The following CACNA2D2 variants were observed in gnomAD, a reference collection of about 807,000 sequenced individuals.
The protein encoded by CACNA2D2 is voltage-dependent calcium channel subunit alpha-2/delta-2.
A neutral mutation model predicts 166.4 loss-of-function variants in CACNA2D2; 48 were observed. That is an observed-to-expected ratio of 0.29 (90% CI 0.23 to 0.37). The LOEUF is 0.37. CACNA2D2 is among the 10% of genes least tolerant of loss of function. CACNA2D2 has a pLI of 1.00. For synonymous variants in CACNA2D2, 561 were observed against 573.7 expected, an observed-to-expected ratio of 0.98 and a Z score of 0.32; for missense variants, 1,122 against 1,433.0, an observed-to-expected ratio of 0.78 and a Z score of 3.50.
Position 50,379,249 on chromosome 3 carries a change from G to C in CACNA2D2, c.1153-50C>G, listed in dbSNP as rs779724063. On this transcript the variant is annotated intron_variant, in intron 11 of 37. Coordinates refer to ENST00000424201, the MANE Select transcript of CACNA2D2 (RefSeq NM_006030.4). This position sits in a 1 kb window ranked among gnomAD's most constrained non-coding sequence, Gnocchi z 6.5. ...GCAGCTCTCAGCCCTCCCTGGTCCA[G>C]GGGCAGGGCCTCCCTCCCGCAGTGG... 1.3e-6 allele frequency: 2 copies of C among 1,533,828 alleles called. No individual in the cohort carries two copies. Among genetic ancestry groups the C allele is most frequent in the East Asian group, 4.5e-5 (2 of 44,422 alleles).
At chr3:50,378,763 T>G in intron 13 of CACNA2D2, 152 bp downstream of exon 13, 1 of 884,678 alleles carries the variant, frequency 1.1e-6, no homozygotes, top group Non-Finnish European at 1.8e-6. Flanking sequence ...AGCCCCCAGA[T>G]AGAGTGAGGG....
intron 2 of CACNA2D2, among the ~76,000 whole-genome samples, chr3:50,437,440 G>A (rs953124587): frequency 2.6e-5 from 4 of 152,190 alleles, no homozygotes; most frequent in African/African-American, 7.2e-5. Context: ...AAGTGCAGGG[G>A]CTGGTCATGC....
At chr3:50,477,812 C>A (rs1697859846) in intron 1 of CACNA2D2, among the ~76,000 whole-genome samples, 1 of 152,160 alleles carries the variant, frequency 6.6e-6, no homozygotes, top group South Asian at 2.1e-4. Flanking sequence ...CTGGTCCCAA[C>A]TCCCTGGGCC....
intron 3 of CACNA2D2, among the ~76,000 whole-genome samples, chr3:50,397,559 A>G (rs566467470): frequency 3.3e-5 from 5 of 152,304 alleles, no homozygotes; most frequent in Admixed American, 6.5e-5. Flanking sequence ...TTCTTGGAGC[A>G]GGGTCTTCAC....
At chr3:50,481,617 G>C (rs374754937) in intron 1 of CACNA2D2, among the ~76,000 whole-genome samples, 18 of 152,186 alleles carry the variant, frequency 1.2e-4, no homozygotes, top group African/African-American at 4.3e-4. Flanking sequence ...AAGCAAACTT[G>C]GCAATGGCGG....
chr3:50,468,379 TAGTG>T lies in CACNA2D2; in HGVS notation c.288+7735_288+7738del, dbSNP rs1206008391. 1.2e-3 allele frequency among the ~76,000 whole-genome samples: 80 copies of T among 68,916 alleles called. 3 individuals are homozygous for T. The highest frequency in any genetic ancestry group is 3.5e-3 in the African/African-American group (73 of 20,590). The allele number at this position is 68,916 out of a possible 152,430, so 45.2% of individuals were successfully genotyped here. On this transcript the variant is annotated intron_variant, in intron 2 of 37. Transcript: ENST00000424201. ...AAGAGAACCAGCAAGTTCATCAGAA[TAGTG>T]TGTGTGTGTGTGTGTGTGTGTGTGT...
At chr3:50,408,904 C>A (rs764286460) in intron 3 of CACNA2D2, among the ~76,000 whole-genome samples, 1 of 152,224 alleles carries the variant, frequency 6.6e-6, no homozygotes, top group African/African-American at 2.4e-5. Context: ...TTTGGGGCAT[C>A]GTTGCCGCCT....
chr3:50,436,410 G>A (rs1477206477), intron 2 of CACNA2D2, among the ~76,000 whole-genome samples: 2 of 152,170 alleles, frequency 1.3e-5, no homozygotes, highest in Non-Finnish European at 2.9e-5. Flanking sequence ...GGAAAGTCCA[G>A]GAGTCCCTCC....
chr3:50,455,500 C>G (rs1255787260), intron 2 of CACNA2D2, among the ~76,000 whole-genome samples: 2 of 152,282 alleles, frequency 1.3e-5, no homozygotes, highest in African/African-American at 4.8e-5. Context: ...TTTTAAATAG[C>G]GACACTTTGG....
At chr3:50,372,724 G>T (rs1426893110) in intron 22 of CACNA2D2, among the ~76,000 whole-genome samples, 1 of 152,196 alleles carries the variant, frequency 6.6e-6, no homozygotes, top group Non-Finnish European at 1.5e-5. Flanking sequence ...TGGTGGAGAA[G>T]CGTCCAGACT....
chr3:50,382,840 C>T (rs1240556235), intron 6 of CACNA2D2, among the ~76,000 whole-genome samples: 1 of 152,112 alleles, frequency 6.6e-6, no homozygotes, highest in African/African-American at 2.4e-5. Context: ...AAGAGGAGAC[C>T]CCTGCTCTGC....
At chr3:50,371,680 G>A (rs1704661755) in intron 22 of CACNA2D2, among the ~76,000 whole-genome samples, 1 of 152,298 alleles carries the variant, frequency 6.6e-6, no homozygotes, top group East Asian at 1.9e-4. Flanking sequence ...GGAGGGGCTG[G>A]GCAGTCACTG....
chr3:50,397,437 C>G (rs187466518), intron 3 of CACNA2D2, among the ~76,000 whole-genome samples: 1 of 152,196 alleles, frequency 6.6e-6, no homozygotes, highest in African/African-American at 2.4e-5. Context: ...TCCCATCAGG[C>G]CTGAGGATGA....
At chr3:50,469,449 A>G (rs1709972399) in intron 2 of CACNA2D2, among the ~76,000 whole-genome samples, 2 of 152,234 alleles carry the variant, frequency 1.3e-5, no homozygotes, top group South Asian at 4.1e-4. Context: ...CCTGGACTGA[A>G]TCAAGCAGAA....
At chr3:50,503,798 G>C (rs1270960850), upstream of CACNA2D2, among the ~76,000 whole-genome samples, 1 of 150,110 alleles carries the variant, frequency 6.7e-6, no homozygotes, top group Admixed American at 6.6e-5. Context: ...TCGTCCCCGC[G>C]CAGCCCGAAT....
At chr3:50,442,938 C>A (rs1318412202) in intron 2 of CACNA2D2, among the ~76,000 whole-genome samples, 1 of 152,194 alleles carries the variant, frequency 6.6e-6, no homozygotes, top group Admixed American at 6.5e-5. Context: ...CACATGGACA[C>A]CAGCCATGGA....
intron 2 of CACNA2D2, among the ~76,000 whole-genome samples, chr3:50,440,429 G>A (rs1342484339): frequency 1.3e-5 from 2 of 152,272 alleles, no homozygotes; most frequent in South Asian, 2.1e-4. Flanking sequence ...CATCCCAGGC[G>A]GGGTGGCCCC....
intron 2 of CACNA2D2, among the ~76,000 whole-genome samples, chr3:50,461,936 A>G (rs941542965): frequency 4.6e-5 from 7 of 152,202 alleles, no homozygotes; most frequent in Admixed American, 6.5e-5. Context: ...GAGAGCAGCC[A>G]GTCTTCCCTG....
At chr3:50,450,530 C>G (rs1483541944) in intron 2 of CACNA2D2, among the ~76,000 whole-genome samples, 6 of 152,186 alleles carry the variant, frequency 3.9e-5, no homozygotes, top group Non-Finnish European at 7.3e-5. Context: ...CTCTCGCCCA[C>G]CAGAGCCAGG....
Sources: gnomAD v4.1 joint callset for allele counts (sites outside exome capture counted in the v4.1 genomes callset) on GRCh38, gnomAD v4.1.1 for gene constraint, Gnocchi (gnomAD v3.1) non-coding constraint, MANE v1.5 for transcripts, NCBI Gene and HGNC (gene_info 2026-07-23, HGNC 2026-07-21) for gene names.